PTPRD: variants seen among roughly 807,000 people sequenced by gnomAD.
PTPRD encodes the protein protein tyrosine phosphatase receptor type D, also known as receptor-type tyrosine-protein phosphatase delta.
Under a neutral mutation model 214.5 loss-of-function variants are expected in PTPRD, and 34 were observed. The ratio of observed to expected loss-of-function variants is 0.16; its 90% CI spans 0.12 to 0.21. The LOEUF is 0.21. PTPRD is among the 10% of genes least tolerant of loss of function. PTPRD has a pLI of 1.00. For synonymous variants in PTPRD, 1,128 were observed against 845.7 expected, an observed-to-expected ratio of 1.33 and a Z score of -5.79; for missense variants, 2,545 against 2,398.7, an observed-to-expected ratio of 1.06 and a Z score of -1.27.
intron 10 of PTPRD, among the ~76,000 whole-genome samples, chr9:9,051,223 T>TA (rs1226861659): frequency 6.6e-6 from 1 of 152,110 alleles, no homozygotes; most frequent in Non-Finnish European, 1.5e-5. Context: ...ATCTGTCAAT[T>TA]AAAAAATCTA....
chr9:9,912,602 G>T (rs933578248), intron 5 of PTPRD, among the ~76,000 whole-genome samples: 4 of 152,128 alleles, frequency 2.6e-5, no homozygotes, highest in African/African-American at 9.7e-5. Context: ...TGGTATCGTT[G>T]GCAATCAGTG....
chr9:10,130,745 G>C (rs532052174), intron 3 of PTPRD, among the ~76,000 whole-genome samples: 33 of 152,062 alleles, frequency 2.2e-4, no homozygotes, highest in Admixed American at 2.0e-3. Context: ...TTATGCTAAA[G>C]AGAAAACTGA....
At chr9:8,936,427 CAAAAAAAAAAA>C (rs1181403459) in intron 11 of PTPRD, among the ~76,000 whole-genome samples, 5 of 31,652 alleles carry the variant, frequency 1.6e-4, no homozygotes, top group South Asian at 4.0e-3. Flanking sequence ...ACCCTGCCTC[CAAAAAAAAAAA>C]AAAAAAAAAA....
chr9:10,002,300 A>G (rs2096341917), intron 4 of PTPRD, among the ~76,000 whole-genome samples: 1 of 145,604 alleles, frequency 6.9e-6, no homozygotes, highest in Admixed American at 7.2e-5. Context: ...GGCATGCATA[A>G]ATGTTACTTT....
At chr9:8,943,146 G>T (rs1461044413) in intron 11 of PTPRD, among the ~76,000 whole-genome samples, 1 of 151,990 alleles carries the variant, frequency 6.6e-6, no homozygotes, top group Non-Finnish European at 1.5e-5. Context: ...CACAAAAAAT[G>T]GAAAGATATT....
chr9:9,927,461 A>G (rs2084745576), intron 5 of PTPRD, among the ~76,000 whole-genome samples: 1 of 151,984 alleles, frequency 6.6e-6, no homozygotes, highest in South Asian at 2.1e-4. Context: ...GCCCTATTGG[A>G]TTTATATCAA....
chr9:10,421,175 G>A (rs1263853943), intron 2 of PTPRD, among the ~76,000 whole-genome samples: 1 of 149,030 alleles, frequency 6.7e-6, no homozygotes, highest in Non-Finnish European at 1.5e-5. Context: ...GGACAAGCTT[G>A]ATCTACAAAA....
chr9:10,603,781 GA>G (rs1288766243), intron 2 of PTPRD, among the ~76,000 whole-genome samples: 1 of 151,672 alleles, frequency 6.6e-6, no homozygotes, highest in Non-Finnish European at 1.5e-5. Flanking sequence ...TAAAATTCAA[GA>G]AACCAAGAAG....
chr9:9,261,779 T>C (rs1339353607), intron 9 of PTPRD, among the ~76,000 whole-genome samples: 3 of 151,800 alleles, frequency 2.0e-5, no homozygotes, highest in Admixed American at 6.6e-5. Context: ...TATATCTGTT[T>C]TTGGCTAAGT....
At chr9:9,945,221 G>C (rs2092380925) in intron 4 of PTPRD, among the ~76,000 whole-genome samples, 1 of 152,054 alleles carries the variant, frequency 6.6e-6, no homozygotes, top group Non-Finnish European at 1.5e-5. Flanking sequence ...TGCCCGTTAG[G>C]CATTTGAATA....
At chr9:9,914,337 G>C (rs1009177892) in intron 5 of PTPRD, among the ~76,000 whole-genome samples, 4 of 152,148 alleles carry the variant, frequency 2.6e-5, no homozygotes, top group Admixed American at 2.0e-4. Flanking sequence ...TTCCCCTAGT[G>C]GGCACACCCA....
rs1386609439 is a variant in PTPRD at position 10,255,276 on chromosome 9, C to A, written c.-545+85687G>T. On this transcript the variant is annotated intron_variant, in intron 3 of 45. Coordinates refer to ENST00000381196, the MANE Select transcript of PTPRD (RefSeq NM_002839.4). ...CATCATAGAGTGCTTTTACACAAAC[C>A]TAGACGGTACAGCCTACTACACACC... Among the ~76,000 whole-genome samples the A allele has an allele frequency of 3.3e-5, 5 of 152,214 alleles. No homozygotes were observed. In the Middle Eastern group the frequency reaches 0.01, roughly 311 times the overall value.
At chr9:9,178,764 A>G (rs1269757855) in intron 10 of PTPRD, among the ~76,000 whole-genome samples, 3 of 152,094 alleles carry the variant, frequency 2.0e-5, no homozygotes, top group Non-Finnish European at 4.4e-5. Flanking sequence ...TATATATAGT[A>G]TAAAGGTTTT....
At chr9:8,808,462 CTTTTTTTTTT>C (rs34627797) in intron 11 of PTPRD, among the ~76,000 whole-genome samples, 11 of 98,798 alleles carry the variant, frequency 1.1e-4, no homozygotes, top group Admixed American at 2.5e-4. Flanking sequence ...AGCCCCCCAC[CTTTTTTTTTT>C]TTTTTTTTTT....
At chr9:10,576,865 G>A (rs1003761957) in intron 2 of PTPRD, among the ~76,000 whole-genome samples, 17 of 152,062 alleles carry the variant, frequency 1.1e-4, no homozygotes, top group African/African-American at 4.1e-4. Flanking sequence ...AAGGGTAGAT[G>A]CCACCAAATG....
At chr9:9,779,102 A>AAAAAAAAAAAAAAAAAAAAAAAAAC (rs2098823068) in intron 5 of PTPRD, among the ~76,000 whole-genome samples, 1 of 147,504 alleles carries the variant, frequency 6.8e-6, no homozygotes, top group Non-Finnish European at 1.5e-5. Flanking sequence ...AAAAAAAAAA[A>AAAAAAAAAAAAAAAAAAAAAAAAAC]AAGCAATGGG....
intron 11 of PTPRD, among the ~76,000 whole-genome samples, chr9:8,943,654 T>C (rs1247912002): frequency 6.6e-6 from 1 of 151,368 alleles, no homozygotes; most frequent in Non-Finnish European, 1.5e-5. Context: ...TAAATTATTT[T>C]CCAGATTATT....
intron 9 of PTPRD, among the ~76,000 whole-genome samples, chr9:9,271,059 G>C (rs904444818): frequency 6.6e-6 from 1 of 151,278 alleles, no homozygotes; most frequent in African/African-American, 2.4e-5. Context: ...GCGGCTTCCA[G>C]GTGGAGATAA....
intron 14 of PTPRD, among the ~76,000 whole-genome samples, chr9:8,534,374 G>A (rs1427348921): frequency 6.6e-6 from 1 of 151,800 alleles, no homozygotes; most frequent in Non-Finnish European, 1.5e-5. Flanking sequence ...GGCTAAAAAA[G>A]CCCAGGAGTG....
Sources: gnomAD v4.1 joint callset for allele counts (sites outside exome capture counted in the v4.1 genomes callset) on GRCh38, gnomAD v4.1.1 for gene constraint, MANE v1.5 for transcripts, NCBI Gene and HGNC (gene_info 2026-07-23, HGNC 2026-07-21) for gene names.